Variants in SRBD1 observed in about 807,000 individuals in gnomAD.
SRBD1 encodes the protein S1 RNA binding domain 1.
A neutral mutation model predicts 115.3 loss-of-function variants in SRBD1; 88 were observed. That is an observed-to-expected ratio of 0.76 (90% CI 0.64 to 0.91). SRBD1 has a LOEUF of 0.91. Among genes scored for constraint, SRBD1 ranks in the 40% least tolerant of loss-of-function variants. The pLI, the probability that SRBD1 is intolerant of heterozygous loss-of-function variation, is 0.00. For synonymous variants in SRBD1, 509 were observed against 407.7 expected (o/e 1.25, Z -2.99); for missense variants, 1,385 against 1,177.4 (o/e 1.18, Z -2.58).
intron 14 of SRBD1, among the ~76,000 whole-genome samples, chr2:45,519,451 C>A (rs185906265): frequency 6.6e-6 from 1 of 152,304 alleles, no homozygotes; most frequent in East Asian, 1.9e-4. Context: ...TACAAGGACC[C>A]AGGTGCTGGC....
rs903193038 is a variant in SRBD1, at chr2:45,421,826, G to T, written c.2050-1932C>A. Among the ~76,000 whole-genome samples, 3 of 152,154 alleles carry T rather than the reference G, an allele frequency of 2.0e-5. No individual in the cohort carries two copies. The East Asian group carries it at 5.8e-4, about 29-fold the overall frequency. On this transcript the variant is annotated intron_variant, in intron 16 of 20. Transcript: ENST00000263736. The stretch of plus-strand genomic sequence containing the variant: ...GGTACAGGAGCACTTCTGTATTTCA[G>T]AGATAACTTATTGGTAACTAGCCAG...
intron 14 of SRBD1, among the ~76,000 whole-genome samples, chr2:45,542,742 T>G (rs968884582): frequency 2.0e-5 from 3 of 152,172 alleles, no homozygotes; most frequent in Non-Finnish European, 2.9e-5. Context: ...CATACAGACT[T>G]GTAAATGAAT....
intron 14 of SRBD1, among the ~76,000 whole-genome samples, chr2:45,533,380 C>T (rs76002548): frequency 0.022 from 3,298 of 152,106 alleles, 38 homozygotes; most frequent in Middle Eastern, 0.058. Flanking sequence ...AAAGGATGGA[C>T]ACTACAACCC....
At chr2:45,566,067 T>C (rs1021796569) in intron 9 of SRBD1, among the ~76,000 whole-genome samples, 3 of 152,100 alleles carry the variant, frequency 2.0e-5, no homozygotes, top group Non-Finnish European at 4.4e-5. Context: ...ACAATAAATG[T>C]TGGGAGGGAT....
In SRBD1 at chr2:45,526,983, C is replaced by T. The variant is rs138482449; in HGVS notation, c.1874+19749G>A. ...AACGTTACATGTCTTAAGCTGAGTG[C>T]GATCTGGGAACACAGATCATTTAAT... On this transcript the variant is annotated intron_variant, in intron 14 of 20. Coordinates refer to ENST00000263736, the MANE Select transcript of SRBD1 (RefSeq NM_018079.5). Among the ~76,000 whole-genome samples the T allele has an allele frequency of 7.2e-5, 11 of 151,940 alleles. No homozygotes were observed. The East Asian group carries it at 9.7e-4, about 13-fold the overall frequency.
intron 16 of SRBD1, among the ~76,000 whole-genome samples, chr2:45,444,796 T>C (rs1483471102): frequency 6.6e-6 from 1 of 152,176 alleles, no homozygotes; most frequent in Non-Finnish European, 1.5e-5. Context: ...CCACTCAAGT[T>C]GGGGAACTCC....
chr2:45,444,762 G>C (rs896732543), intron 16 of SRBD1, among the ~76,000 whole-genome samples: 11 of 152,070 alleles, frequency 7.2e-5, no homozygotes, highest in African/African-American at 2.7e-4. Flanking sequence ...AAATACTAAT[G>C]CTCTTCTGCA....
intron 14 of SRBD1, among the ~76,000 whole-genome samples, chr2:45,526,470 T>C (rs771598323): frequency 6.6e-6 from 1 of 151,882 alleles, no homozygotes; most frequent in African/African-American, 2.4e-5. Flanking sequence ...AATGCGGTGA[T>C]GGGAGAGAAG....
At chr2:45,558,692 T>TG (rs1672562658) in intron 10 of SRBD1, among the ~76,000 whole-genome samples, 1 of 143,964 alleles carries the variant, frequency 6.9e-6, no homozygotes, top group African/African-American at 2.6e-5. Flanking sequence ...ATTATTTTTT[T>TG]TTTTTTTTTT....
At chr2:45,434,934 C>T (rs1668445290) in intron 16 of SRBD1, among the ~76,000 whole-genome samples, 2 of 151,808 alleles carry the variant, frequency 1.3e-5, no homozygotes, top group African/African-American at 4.8e-5. Flanking sequence ...CCCCACCCCA[C>T]GACAGGCCCC....
chr2:45,417,585 T>C (rs970930220), intron 18 of SRBD1, among the ~76,000 whole-genome samples: 1 of 152,232 alleles, frequency 6.6e-6, no homozygotes, highest in Non-Finnish European at 1.5e-5. Context: ...TCCATATGAA[T>C]TAACCACGTA....
At chr2:45,463,017 CG>C (rs11470984) in intron 16 of SRBD1, among the ~76,000 whole-genome samples, 18,353 of 111,482 alleles carry the variant, frequency 0.16, 1,477 homozygotes, top group East Asian at 0.41. Context: ...GAGAATAACC[CG>C]GGGGGGGGGG....
In SRBD1 at chr2:45,535,503, C is replaced by T. The variant is rs188519518; in HGVS notation, c.1874+11229G>A. Among the ~76,000 whole-genome samples, 970 of 151,904 alleles carry T rather than the reference C, an allele frequency of 6.4e-3. 16 individuals carry two copies. The highest frequency in any genetic ancestry group is 0.022 in the African/African-American group (920 of 41,450). ...TCATCTATACAACCTATTTTATTTT[C>T]CCTCTGGAACAACAAAATAACATCA... On this transcript the variant is annotated intron_variant, in intron 14 of 20. Coordinates refer to ENST00000263736, the MANE Select transcript of SRBD1 (RefSeq NM_018079.5).
At chr2:45,390,474 CAGTT>C (rs1365080544) in intron 20 of SRBD1, among the ~76,000 whole-genome samples, 4 of 152,194 alleles carry the variant, frequency 2.6e-5, no homozygotes, top group Non-Finnish European at 2.9e-5. Flanking sequence ...ATGAGGGAGA[CAGTT>C]AGAGTTAGAA....
In SRBD1 at chr2:45,509,598, A is replaced by AACACACACAC. The variant is rs1179307941; in HGVS notation, c.1875-21277_1875-21268dup. ...AGGACACAGCAAGACTCCGTCTCAA[A>AACACACACAC]ACACACACACACACACACACACACA... On this transcript the variant is annotated intron_variant, in intron 14 of 20. Coordinates refer to ENST00000263736, the MANE Select transcript of SRBD1 (RefSeq NM_018079.5). 5.6e-3 allele frequency among the ~76,000 whole-genome samples: 706 copies of AACACACACAC among 125,498 alleles called. 4 individuals are homozygous for AACACACACAC. Among genetic ancestry groups the AACACACACAC allele is most frequent in the East Asian group, 8.1e-3 (33 of 4,062 alleles). 82.3% of individuals were successfully genotyped at this position (125,498 alleles called of 152,430 possible).
chr2:45,560,299 G>C (rs1672621317), intron 10 of SRBD1, among the ~76,000 whole-genome samples: 1 of 152,090 alleles, frequency 6.6e-6, no homozygotes, highest in Non-Finnish European at 1.5e-5. Flanking sequence ...TAATAAATAG[G>C]TTAAAAGCAT....
chr2:45,439,428 AAAG>A (rs1668595621), intron 16 of SRBD1, among the ~76,000 whole-genome samples: 2 of 151,054 alleles, frequency 1.3e-5, no homozygotes, highest in Non-Finnish European at 3.0e-5. Context: ...TATATAGCAC[AAAG>A]AAGGAGGTGA....
At chr2:45,581,340 T>C (rs112242463) in intron 6 of SRBD1, among the ~76,000 whole-genome samples, 2,285 of 152,312 alleles carry the variant, frequency 0.015, 24 homozygotes, top group Middle Eastern at 0.034. Context: ...TCTTGAGTTC[T>C]TCCATTCTCA....
Position 45,520,622 on chromosome 2 carries a change from C to T in SRBD1, c.1874+26110G>A, listed in dbSNP as rs566166553. On this transcript the variant is annotated intron_variant, in intron 14 of 20. Coordinates refer to ENST00000263736, the MANE Select transcript of SRBD1 (RefSeq NM_018079.5). ...ATCCTGAACCCATAAAAACCCTGAA[C>T]CCCAGGCTCCAGGAGCAGATGAAGA... is the stretch of plus-strand genomic sequence containing the variant. Among the ~76,000 whole-genome samples, 166 of 152,282 alleles carry T rather than the reference C, an allele frequency of 1.1e-3. 1 individual carries two copies. Among genetic ancestry groups the T allele is most frequent in the Admixed American group, 2.0e-3 (30 of 15,302 alleles).
Sources: allele counts gnomAD v4.1 joint callset (sites outside exome capture counted in the v4.1 genomes callset), GRCh38; gene constraint gnomAD v4.1.1; transcripts MANE v1.5; gene names NCBI Gene and HGNC (gene_info 2026-07-23, HGNC 2026-07-21).